The following FYB1 variants were observed in gnomAD, a reference collection of about 807,000 sequenced individuals.
FYB1 encodes FYN binding protein 1.
A neutral mutation model predicts 94.1 loss-of-function variants in FYB1; 41 were observed. That is an observed-to-expected ratio of 0.44 (90% CI 0.34 to 0.57). The LOEUF (loss-of-function observed/expected upper bound fraction) is 0.57, where lower values mean the gene tolerates loss of function less well. Ranked by LOEUF, FYB1 falls within the 20% of genes least tolerant of loss-of-function variation. The pLI is 0.02. For synonymous variants in FYB1, 367 were observed against 353.2 expected, an observed-to-expected ratio of 1.04 and a Z score of -0.44; for missense variants, 1,050 against 976.8, an observed-to-expected ratio of 1.07 and a Z score of -1.00.
chr5:39,238,832 A>G (rs1427245543), intron 1 of FYB1, among the ~76,000 whole-genome samples: 2 of 152,126 alleles, frequency 1.3e-5, no homozygotes, highest in Non-Finnish European at 2.9e-5. Flanking sequence ...TCCAACAGCT[A>G]GGCTTTAAAC....
At position 39,272,217 on chromosome 5, in the gene FYB1, A is replaced by T. The variant is rs139584860; in HGVS notation, c.-28+2186T>A. Among the ~76,000 whole-genome samples the T allele has an allele frequency of 9.8e-3, 1,492 of 152,272 alleles. 12 individuals carry two copies. The highest frequency in any genetic ancestry group is 0.027 in the Middle Eastern group (8 of 294). On this transcript the variant is annotated intron_variant, in intron 1 of 1. Transcript: ENST00000510188. ...TGATTCCAAGGTATGTGCATATTTG[A>T]GAGCCTTTGCCTTAAAAGAAGGAGC... is the stretch of plus-strand genomic sequence containing the variant.
chr5:39,126,695 C>CAAA (rs1272438775), intron 11 of FYB1, among the ~76,000 whole-genome samples: 1,794 of 28,930 alleles, frequency 0.062, 470 homozygotes, highest in African/African-American at 0.21. Flanking sequence ...GACCTGGTCT[C>CAAA]AAAAAAAAAA....
chr5:39,182,249 G>A (rs1746309375), intron 2 of FYB1, among the ~76,000 whole-genome samples: 1 of 151,558 alleles, frequency 6.6e-6, no homozygotes, highest in Non-Finnish European at 1.5e-5. Flanking sequence ...CAGAGTGCAG[G>A]TGGCACATAC....
intron 1 of FYB1, among the ~76,000 whole-genome samples, chr5:39,251,655 G>A (rs1751713944): frequency 6.6e-6 from 1 of 151,628 alleles, no homozygotes; most frequent in South Asian, 2.1e-4. Flanking sequence ...TTTTGAAACA[G>A]AAAAATACAA....
At chr5:39,123,398 A>G (rs1329932054) in intron 13 of FYB1, among the ~76,000 whole-genome samples, 2 of 152,182 alleles carry the variant, frequency 1.3e-5, no homozygotes, top group Admixed American at 1.3e-4. Flanking sequence ...ATTTAAGAAC[A>G]ACAAGCAATT....
At chr5:39,218,882 G>A (rs1405889939) in intron 1 of FYB1, among the ~76,000 whole-genome samples, 1 of 152,224 alleles carries the variant, frequency 6.6e-6, no homozygotes, top group Non-Finnish European at 1.5e-5. Flanking sequence ...ATCTGCAGCT[G>A]TTTGTCATCA....
intron 1 of FYB1, among the ~76,000 whole-genome samples, chr5:39,241,712 T>C (rs1282383437): frequency 6.6e-6 from 1 of 152,130 alleles, no homozygotes; most frequent in African/African-American, 2.4e-5. Context: ...CCATGCACAA[T>C]GCTACATATG....
chr5:39,147,486 GTC>G (rs1491034443), intron 3 of FYB1, among the ~76,000 whole-genome samples: 2 of 149,282 alleles, frequency 1.3e-5, no homozygotes, highest in East Asian at 2.0e-4. Context: ...GTGTGTGTGT[GTC>G]TGTGTGTGTG....
At chr5:39,228,702 G>C (rs1750589527) in intron 1 of FYB1, among the ~76,000 whole-genome samples, 1 of 152,088 alleles carries the variant, frequency 6.6e-6, no homozygotes, top group African/African-American at 2.4e-5. Context: ...TAAAGAAAGA[G>C]GTTAGCAAAA....
At chr5:39,190,791 TGA>T (rs1243631579) in intron 2 of FYB1, among the ~76,000 whole-genome samples, 82 of 150,630 alleles carry the variant, frequency 5.4e-4, no homozygotes, top group African/African-American at 1.1e-3. Flanking sequence ...TGTGTGTGTG[TGA>T]GAGAGAGATG....
upstream of FYB1, among the ~76,000 whole-genome samples, chr5:39,220,736 G>A (rs988721352): frequency 6.6e-6 from 1 of 152,202 alleles, no homozygotes; most frequent in African/African-American, 2.4e-5. Flanking sequence ...CGTTATGCCA[G>A]AGATGGTCAC....
intron 12 of FYB1, 94 bp from the exon 13 acceptor site, chr5:39,124,372 A>G (rs1267520251): frequency 2.8e-6 from 2 of 716,606 alleles, no homozygotes; most frequent in Non-Finnish European, 4.4e-6. Flanking sequence ...GCAATAGCCT[A>G]GAGGCATATT....
rs529232568 is a variant in FYB1 at position 39,171,244 on chromosome 5, C to T, written c.1136-17640G>A. 7.2e-5 allele frequency among the ~76,000 whole-genome samples: 11 copies of T among 151,876 alleles called. No homozygotes were observed. In the East Asian group the frequency reaches 1.7e-3, roughly 24 times the overall value. On this transcript the variant is annotated intron_variant, in intron 2 of 18. Coordinates refer to ENST00000512982, the MANE Select transcript of FYB1 (RefSeq NM_001465.6). ...GGCAGAGGTTCTAGTGAGCCGAGAT[C>T]GTGCCACTGCTCTCTAGCCTGGGCA... is the stretch of plus-strand genomic sequence containing the variant.
chr5:39,122,292 T>G, intron 14 of FYB1, 44 bp downstream of exon 14: 1 of 1,263,334 alleles, frequency 7.9e-7, no homozygotes. Context: ...TTCTTGAGTA[T>G]TCTCATTTTC....
In FYB1 at chr5:39,107,473, G is replaced by GA. The variant is rs1462078110; in HGVS notation, c.2468-9dup. The GA allele has an allele frequency of 2.3e-5, 34 of 1,505,954 alleles. No individual in the cohort carries two copies. The Admixed American group carries it at 4.8e-4, about 21-fold the overall frequency. The allele number at this position is 1,505,954 out of a possible 1,614,324, so 93.3% of individuals were successfully genotyped here. ...CATTGTCATAGATGCAGCCTGAAAG[G>GA]AAAAAATACAAATTTAAATATAGTT... On this transcript the variant is annotated splice_polypyrimidine_tract_variant and intron_variant, in intron 18 of 18. Transcript: ENST00000512982.
chr5:39,127,670 A>T (rs1229392691), intron 11 of FYB1, 71 bp downstream of exon 11: 2 of 1,458,134 alleles, frequency 1.4e-6, no homozygotes, highest in African/African-American at 2.9e-5. Flanking sequence ...TTTTATTTTA[A>T]CTGGAAATCA....
chr5:39,159,037 G>C (rs1479313934), intron 2 of FYB1, among the ~76,000 whole-genome samples: 1 of 152,160 alleles, frequency 6.6e-6, no homozygotes, highest in Non-Finnish European at 1.5e-5. Flanking sequence ...CTACCTCAAA[G>C]GGTTTAAGGA....
intron 7 of FYB1, 129 bp downstream of exon 7, chr5:39,137,471 A>G: frequency 9.2e-7 from 1 of 1,089,726 alleles, no homozygotes; most frequent in Non-Finnish European, 1.3e-6. Flanking sequence ...TGTTATGAAG[A>G]TAATTACTCT....
chr5:39,272,727 C>T (rs1752701914), intron 1 of FYB1, among the ~76,000 whole-genome samples: 1 of 150,298 alleles, frequency 6.7e-6, no homozygotes, highest in African/African-American at 2.4e-5. Context: ...ACAATTTCCT[C>T]TCTATACCAG....
Sources: gnomAD v4.1 joint callset for allele counts (sites outside exome capture counted in the v4.1 genomes callset) on GRCh38, gnomAD v4.1.1 for gene constraint, MANE v1.5 for transcripts, NCBI Gene and HGNC (gene_info 2026-07-23, HGNC 2026-07-21) for gene names.